The following LIPI variants were observed in gnomAD, a reference collection of about 807,000 sequenced individuals.
LIPI encodes the protein lipase member I.
In LIPI, 59 loss-of-function variants were observed where a neutral mutation model predicts 50.6. The observed-to-expected ratio is 1.16, with a 90% confidence interval of 0.94 to 1.45. LIPI has a LOEUF of 1.45. Ranked by LOEUF, LIPI falls within the 40% of genes most tolerant of loss-of-function variation. The pLI is 0.00. For missense variants in LIPI, 586 were observed against 536.3 expected, an observed-to-expected ratio of 1.09 and a Z score of -0.92; for synonymous variants, 203 against 178.2, an observed-to-expected ratio of 1.14 and a Z score of -1.11.
intron 2 of LIPI, 129 bp downstream of exon 2, chr21:14,188,905 G>T: frequency 1.2e-6 from 1 of 816,036 alleles, no homozygotes; most frequent in Non-Finnish European, 2.0e-6. Context: ...ACCAGTAATT[G>T]TTAATGCTTA....
In LIPI at chr21:14,176,057, G is replaced by A. The variant is rs370280088; in HGVS notation, c.643+5701C>T. 5.3e-5 allele frequency among the ~76,000 whole-genome samples: 8 copies of A among 151,622 alleles called. No individual in the cohort carries two copies. In the East Asian group the frequency reaches 5.8e-4, roughly 11 times the overall value. ...GCCGGGCCTGGTGGTGGGCGCCTGT[G>A]GTCCCAGCTACTCGGGAGGCTGAGG... On this transcript the variant is annotated intron_variant, in intron 4 of 9. Transcript: ENST00000681601.
chr21:14,164,853 C>CA (rs768398083), intron 6 of LIPI, among the ~76,000 whole-genome samples: 193 of 151,620 alleles, frequency 1.3e-3, no homozygotes, highest in African/African-American at 4.5e-3. Context: ...CCTAAAATCT[C>CA]AAAAAAACAA....
intron 7 of LIPI, among the ~76,000 whole-genome samples, chr21:14,155,401 T>C (rs1240650473): frequency 6.6e-6 from 1 of 151,858 alleles, no homozygotes; most frequent in Non-Finnish European, 1.5e-5. Flanking sequence ...GAAGAGAGTG[T>C]GGGGCTGTGA....
intron 4 of LIPI, among the ~76,000 whole-genome samples, chr21:14,180,065 A>T (rs1402704327): frequency 1.3e-5 from 2 of 152,072 alleles, no homozygotes; most frequent in Non-Finnish European, 2.9e-5. Flanking sequence ...GGAGATCTAT[A>T]AATGGCCGCT....
intron 9 of LIPI, among the ~76,000 whole-genome samples, chr21:14,143,152 G>T (rs1393821350): frequency 6.6e-6 from 1 of 152,104 alleles, no homozygotes; most frequent in African/African-American, 2.4e-5. Context: ...AGAGAGTGAT[G>T]AGAAGCAAAA....
At chr21:14,165,131 A>C in intron 6 of LIPI, 92 bp downstream of exon 6, 1 of 931,604 alleles carries the variant, frequency 1.1e-6, no homozygotes, top group Non-Finnish European at 1.7e-6. Flanking sequence ...ACAAGTAAAC[A>C]GAGTGCACAG....
intron 9 of LIPI, among the ~76,000 whole-genome samples, chr21:14,126,754 G>C (rs537705067): frequency 7.6e-4 from 116 of 152,146 alleles, no homozygotes; most frequent in African/African-American, 2.5e-3. Context: ...GTATACACAG[G>C]GTTCCTGAAA....
intron 4 of LIPI, among the ~76,000 whole-genome samples, chr21:14,167,806 G>A (rs1222559986): frequency 6.6e-6 from 1 of 152,182 alleles, no homozygotes; most frequent in East Asian, 1.9e-4. Flanking sequence ...AAAGCAGAGT[G>A]CCTCTCCTCC....
intron 9 of LIPI, among the ~76,000 whole-genome samples, chr21:14,122,513 A>T (rs2016902519): frequency 6.6e-6 from 1 of 152,240 alleles, no homozygotes; most frequent in African/African-American, 2.4e-5. Context: ...CAGGCTGCAC[A>T]CCTCAGCAAC....
At chr21:14,177,100 G>T (rs747788385) in intron 4 of LIPI, among the ~76,000 whole-genome samples, 2 of 151,936 alleles carry the variant, frequency 1.3e-5, no homozygotes, top group African/African-American at 2.4e-5. Flanking sequence ...TTTGCAATGT[G>T]TTATTGTTAA....
intron 9 of LIPI, among the ~76,000 whole-genome samples, chr21:14,137,282 C>G (rs1439325325): frequency 6.6e-6 from 1 of 152,042 alleles, no homozygotes; most frequent in East Asian, 1.9e-4. Context: ...ACTATGTGAC[C>G]TTTTAGACAA....
intron 4 of LIPI, among the ~76,000 whole-genome samples, chr21:14,180,336 T>G (rs1166738270): frequency 6.6e-6 from 1 of 152,168 alleles, no homozygotes; most frequent in African/African-American, 2.4e-5. Flanking sequence ...TCCCTGTTCT[T>G]ACACCCCCTT....
At chr21:14,140,403 T>A (rs1366003469) in intron 9 of LIPI, among the ~76,000 whole-genome samples, 1 of 152,152 alleles carries the variant, frequency 6.6e-6, no homozygotes, top group African/African-American at 2.4e-5. Flanking sequence ...AAGTTATTTA[T>A]ATATAAATAA....
In LIPI at chr21:14,181,841, G is replaced by A. The variant is rs758262537; in HGVS notation, c.560C>T (p.Pro187Leu). 1 of 1,609,724 alleles carries A rather than the reference G, an allele frequency of 6.2e-7. No homozygotes were observed. Among genetic ancestry groups the A allele is most frequent in the Admixed American group, 1.7e-5 (1 of 59,794 alleles). The change falls in exon 4 of 10, where the codon CCA (proline) becomes CTA (leucine). Residue 187 changes from proline to leucine, a missense_variant. By Grantham distance (98) the Pro-to-Leu change is moderately conservative. Coordinates refer to ENST00000681601, the MANE Select transcript of LIPI (RefSeq NM_001302998.2). Reference sequence around the variant, plus strand: ...ATATGGTGGTTTTCTGGAGAACCTTGGCCCAGCAGGGTCAAGACCTGGAAA... The same window carrying A: ...ATATGGTGGTTTTCTGGAGAACCTTAGCCCAGCAGGGTCAAGACCTGGAAA... ...GRITGLDPAGPRFSRKPPYSR... is the reference protein window; with the variant it reads ...GRITGLDPAGLRFSRKPPYSR...
intron 8 of LIPI, among the ~76,000 whole-genome samples, chr21:14,152,071 TTTTATTTATTTATTTA>T (rs71819029): frequency 1.4e-3 from 206 of 143,500 alleles, no homozygotes; most frequent in African/African-American, 4.7e-3. Flanking sequence ...CTTTAACTTA[TTTTATTTATTTATTTA>T]TTTATTTATT....
intron 3 of LIPI, among the ~76,000 whole-genome samples, chr21:14,185,676 G>C (rs1001440041): frequency 6.6e-6 from 1 of 152,064 alleles, no homozygotes; most frequent in Non-Finnish European, 1.5e-5. Flanking sequence ...TCAGGAGTTA[G>C]AGACCAGTCT....
chr21:14,203,854 A>AAC (rs75163625), intron 1 of LIPI, among the ~76,000 whole-genome samples: 1 of 36,252 alleles, frequency 2.8e-5, no homozygotes, highest in African/African-American at 9.3e-5. Flanking sequence ...ATATAATAAA[A>AAC]AGAGAAAGAA....
chr21:14,161,335 T>C (rs2018453857), intron 7 of LIPI, among the ~76,000 whole-genome samples: 1 of 145,458 alleles, frequency 6.9e-6, no homozygotes, highest in Non-Finnish European at 1.5e-5. Context: ...ATGTAATATA[T>C]AGTTATATAT....
intron 8 of LIPI, among the ~76,000 whole-genome samples, chr21:14,146,984 G>A (rs1003921104): frequency 1.3e-5 from 2 of 151,746 alleles, no homozygotes; most frequent in Non-Finnish European, 2.9e-5. Context: ...TCACCATATT[G>A]GCCAGGCTGG....
Sources: gnomAD v4.1 joint callset for allele counts (sites outside exome capture counted in the v4.1 genomes callset) on GRCh38, gnomAD v4.1.1 for gene constraint, MANE v1.5 for transcripts, NCBI Gene and HGNC (gene_info 2026-07-23, HGNC 2026-07-21) for gene names.